The following RBFOX1 variants were observed in gnomAD, a reference collection of about 807,000 sequenced individuals.
The protein encoded by RBFOX1 is RNA binding fox-1 homolog 1, also known as RNA binding protein fox-1 homolog 1.
Under a neutral mutation model 57.7 loss-of-function variants are expected in RBFOX1, and 8 were observed. That is an observed-to-expected ratio of 0.14 (90% CI 0.08 to 0.25). RBFOX1 has a LOEUF of 0.25. RBFOX1 is among the 10% of genes least tolerant of loss of function. RBFOX1 has a pLI of 1.00. For missense variants in RBFOX1, 611 were observed against 548.5 expected (o/e 1.11, Z -1.14); for synonymous variants, 326 against 222.4 (o/e 1.47, Z -4.15).
chr16:7,125,504 G>A (rs1267537276), intron 4 of RBFOX1, among the ~76,000 whole-genome samples: 2 of 152,122 alleles, frequency 1.3e-5, no homozygotes, highest in Non-Finnish European at 2.9e-5. Flanking sequence ...TTTGAAGTTT[G>A]TTCCTTCAGA....
chr16:5,638,716 C>T (rs2048766362), intron 3 of RBFOX1, among the ~76,000 whole-genome samples: 1 of 152,162 alleles, frequency 6.6e-6, no homozygotes, highest in Non-Finnish European at 1.5e-5. Flanking sequence ...TGTCTGTCCC[C>T]ACAGACACTG....
chr16:6,914,143 C>G (rs192066660), intron 3 of RBFOX1, among the ~76,000 whole-genome samples: 15 of 152,282 alleles, frequency 9.9e-5, no homozygotes, highest in Admixed American at 1.3e-4. Context: ...GAAGGAAATA[C>G]GAACATAATG....
At chr16:7,057,759 G>C (rs2052832398) in intron 4 of RBFOX1, among the ~76,000 whole-genome samples, 1 of 152,166 alleles carries the variant, frequency 6.6e-6, no homozygotes, top group Non-Finnish European at 1.5e-5. Flanking sequence ...TGTCATCCCA[G>C]CACTTTGGGA....
intron 12 of RBFOX1, among the ~76,000 whole-genome samples, chr16:7,662,011 A>T (rs369987606): frequency 1.5e-4 from 22 of 148,202 alleles, no homozygotes; most frequent in African/African-American, 5.3e-4. Context: ...GCCATGGTGC[A>T]TAACAACTTG....
chr16:5,627,427 G>A (rs890777329), intron 3 of RBFOX1, among the ~76,000 whole-genome samples: 1 of 152,168 alleles, frequency 6.6e-6, no homozygotes, highest in Non-Finnish European at 1.5e-5. Context: ...GGGTGTGTGT[G>A]TGTGTGTGTC....
At chr16:5,915,413 T>C (rs1298568605) in intron 4 of RBFOX1, among the ~76,000 whole-genome samples, 2 of 152,222 alleles carry the variant, frequency 1.3e-5, no homozygotes, top group Admixed American at 1.3e-4. Flanking sequence ...ACCTAAATGA[T>C]GTTCATTCAT....
At chr16:7,305,520 G>GT (rs1169116141) in intron 4 of RBFOX1, among the ~76,000 whole-genome samples, 1 of 152,098 alleles carries the variant, frequency 6.6e-6, no homozygotes, top group East Asian at 1.9e-4. Context: ...CATTTTATCT[G>GT]TTTTTCCACG....
At chr16:7,543,949 A>G (rs1009568493) in intron 5 of RBFOX1, among the ~76,000 whole-genome samples, 3 of 152,068 alleles carry the variant, frequency 2.0e-5, no homozygotes, top group African/African-American at 4.8e-5. Flanking sequence ...TCGATCTCCT[A>G]ACTTCATGAC....
chr16:6,183,422 G>A (rs1397002045), intron 1 of RBFOX1, among the ~76,000 whole-genome samples: 1 of 152,022 alleles, frequency 6.6e-6, no homozygotes, highest in South Asian at 2.1e-4. Flanking sequence ...GGAGGTTGCA[G>A]TGAGCCGAGA....
intron 4 of RBFOX1, among the ~76,000 whole-genome samples, chr16:7,400,502 A>T (rs1005321899): frequency 1.3e-5 from 2 of 152,188 alleles, no homozygotes; most frequent in African/African-American, 4.8e-5. Flanking sequence ...ACCTTGGCCC[A>T]CAGCTTTCTC....
At chr16:7,478,010 C>G (rs1030066055) in intron 4 of RBFOX1, among the ~76,000 whole-genome samples, 30 of 152,352 alleles carry the variant, frequency 2.0e-4, no homozygotes, top group African/African-American at 6.7e-4. Flanking sequence ...CTCCTTCTCT[C>G]TACACTGTTT....
At chr16:5,739,544 T>A (rs1181673531) in intron 3 of RBFOX1, among the ~76,000 whole-genome samples, 1 of 152,246 alleles carries the variant, frequency 6.6e-6, no homozygotes, top group Non-Finnish European at 1.5e-5. Context: ...TTTTCTTTGA[T>A]CTTTATTCCC....
chr16:5,466,034 G>A (rs1312533509), intron 1 of RBFOX1, among the ~76,000 whole-genome samples: 1 of 152,226 alleles, frequency 6.6e-6, no homozygotes, highest in African/African-American at 2.4e-5. Context: ...GGAGGTGCTG[G>A]TGGAGTTCAT....
chr16:7,668,661 A>AACACACAC (rs34133804), intron 13 of RBFOX1, among the ~76,000 whole-genome samples: 7 of 150,346 alleles, frequency 4.7e-5, no homozygotes, highest in African/African-American at 1.2e-4. Flanking sequence ...AACAGAACAG[A>AACACACAC]ACACACACAC....
chr16:7,276,888 G>A (rs1432129022), intron 4 of RBFOX1, among the ~76,000 whole-genome samples: 1 of 152,152 alleles, frequency 6.6e-6, no homozygotes, highest in Non-Finnish European at 1.5e-5. Flanking sequence ...TATCTGAGTG[G>A]AATCTCAAAT....
intron 3 of RBFOX1, among the ~76,000 whole-genome samples, chr16:5,823,963 C>T (rs904091183): frequency 1.3e-5 from 2 of 152,166 alleles, no homozygotes; most frequent in African/African-American, 4.8e-5. Context: ...TTCCATGAAA[C>T]CAGTCCCTGG....
intron 1 of RBFOX1, among the ~76,000 whole-genome samples, chr16:5,462,516 G>T (rs1342923758): frequency 6.6e-6 from 1 of 152,102 alleles, no homozygotes; most frequent in Non-Finnish European, 1.5e-5. Flanking sequence ...GTGTTTTAAA[G>T]AAGCAGGATA....
intron 3 of RBFOX1, among the ~76,000 whole-genome samples, chr16:6,672,150 A>G (rs1453793774): frequency 6.6e-6 from 1 of 152,238 alleles, no homozygotes; most frequent in Non-Finnish European, 1.5e-5. Context: ...AACATTAGCT[A>G]GAAATAGATA....
intron 1 of RBFOX1, among the ~76,000 whole-genome samples, chr16:6,130,316 C>T (rs1478273478): frequency 6.6e-6 from 1 of 151,998 alleles, no homozygotes; most frequent in Non-Finnish European, 1.5e-5. Flanking sequence ...ACAGAAGCCA[C>T]ATAATATGAA....
Sources: allele counts gnomAD v4.1 joint callset (sites outside exome capture counted in the v4.1 genomes callset), GRCh38; gene constraint gnomAD v4.1.1; transcripts MANE v1.5; gene names NCBI Gene and HGNC (gene_info 2026-07-23, HGNC 2026-07-21).